CEP112: variants seen among roughly 807,000 people sequenced by gnomAD.
CEP112 encodes the protein centrosomal protein of 112 kDa.
A neutral mutation model predicts 153.0 loss-of-function variants in CEP112; 127 were observed. That is an observed-to-expected ratio of 0.83 (90% confidence interval 0.72 to 0.96). The LOEUF is 0.96. CEP112 is among the 40% of genes least tolerant of loss of function. CEP112 has a pLI of 0.00. For synonymous variants in CEP112, 358 were observed against 374.4 expected (o/e 0.96, Z 0.51); for missense variants, 1,089 against 1,101.2 (o/e 0.99, Z 0.16).
intron 24 of CEP112, among the ~76,000 whole-genome samples, chr17:65,680,765 G>A (rs993483224): frequency 6.6e-6 from 1 of 152,186 alleles, no homozygotes; most frequent in Non-Finnish European, 1.5e-5. Flanking sequence ...TCACAGTTCT[G>A]CATGGCTGGG....
At chr17:66,125,472 T>A (rs141194689) in intron 6 of CEP112, among the ~76,000 whole-genome samples, 1 of 152,150 alleles carries the variant, frequency 6.6e-6, no homozygotes, top group East Asian at 1.9e-4. Context: ...ACTATGATCA[T>A]GCCACTGCAC....
chr17:65,809,145 G>C (rs891389112), intron 21 of CEP112, among the ~76,000 whole-genome samples: 1 of 152,146 alleles, frequency 6.6e-6, no homozygotes, highest in Admixed American at 6.5e-5. Context: ...TAAGATCTGA[G>C]GGGGGAAATC....
At chr17:65,982,317 C>T (rs1219224406) in intron 17 of CEP112, among the ~76,000 whole-genome samples, 1 of 152,162 alleles carries the variant, frequency 6.6e-6, no homozygotes, top group East Asian at 1.9e-4. Flanking sequence ...GAAAAATGTG[C>T]TTTATGATAG....
Position 66,066,785 on chromosome 17 carries a change from T to A in CEP112, c.948A>T (p.Glu316Asp). The change falls in exon 10 of 27, where the codon GAA (glutamate) becomes GAT (aspartate). Residue 316 changes from glutamate (E) to aspartate (D), a missense_variant. Physicochemically the swap from Glu to Asp is conservative, Grantham distance 45. Coordinates refer to ENST00000535342, the MANE Select transcript of CEP112 (RefSeq NM_001199165.4). ...GTAACAACACAACATCACCTTTCTT[T>A]TCAAGCTTTCTAATAGTCTCTTCAG... Reference protein sequence around the residue: ...HETEETIRKLEKKVQTLIRDC... With the variant: ...HETEETIRKLDKKVQTLIRDC... 3.3e-6 allele frequency: 5 copies of A among 1,533,098 alleles called. No individual in the cohort carries two copies. The highest frequency in any genetic ancestry group is 4.4e-6 in the Non-Finnish European group (5 of 1,142,340). The allele number at this position is 1,533,098 out of a possible 1,614,324, so 95.0% of individuals were successfully genotyped here. A position where few individuals can be genotyped will look rare whatever the true frequency, so the allele number is the denominator to read the frequency against.
At chr17:66,025,153 T>TTAAA (rs1165022728) in intron 16 of CEP112, among the ~76,000 whole-genome samples, 1 of 152,064 alleles carries the variant, frequency 6.6e-6, no homozygotes, top group African/African-American at 2.4e-5. Flanking sequence ...GATCAAAGAA[T>TTAAA]TAAATGTAGG....
chr17:65,826,339 G>C (rs774809746), intron 21 of CEP112: 9 of 1,613,082 alleles, frequency 5.6e-6, no homozygotes, highest in Admixed American at 3.3e-5. Flanking sequence ...GCAGTGATGA[G>C]AGCCCTCAGT....
At chr17:65,658,475 C>T (rs2046173772) in intron 24 of CEP112, among the ~76,000 whole-genome samples, 1 of 152,092 alleles carries the variant, frequency 6.6e-6, no homozygotes, top group African/African-American at 2.4e-5. Flanking sequence ...CAGCCATGTG[C>T]CTAGAAGAAG....
chr17:65,804,845 G>T lies in CEP112; in HGVS notation c.2394+46959C>A, dbSNP rs537364283. ...TGAGGGCCACAGTCCATCTAGCAAAGGACAAACTCTGTACAATTAATTTTT... is the reference window on the plus strand; with the variant it reads ...TGAGGGCCACAGTCCATCTAGCAAATGACAAACTCTGTACAATTAATTTTT... On this transcript the variant is annotated intron_variant, in intron 21 of 26. Coordinates refer to ENST00000535342, the MANE Select transcript of CEP112 (RefSeq NM_001199165.4). Among the ~76,000 whole-genome samples, 111 of 151,954 alleles carry T rather than the reference G, an allele frequency of 7.3e-4. 1 individual carries two copies. The highest frequency in any genetic ancestry group is 2.4e-3 in the African/African-American group (100 of 41,442).
At chr17:65,821,118 A>G (rs1340141655) in intron 21 of CEP112, among the ~76,000 whole-genome samples, 1 of 151,896 alleles carries the variant, frequency 6.6e-6, no homozygotes, top group Non-Finnish European at 1.5e-5. Flanking sequence ...ATTCTGAAAA[A>G]AAAAAACAAA....
At chr17:65,717,885 C>T (rs143025972) in intron 23 of CEP112, among the ~76,000 whole-genome samples, 147 of 152,202 alleles carry the variant, frequency 9.7e-4, no homozygotes, top group African/African-American at 3.5e-3. Context: ...ACTGAACCGT[C>T]CACTGACAGT....
intron 6 of CEP112, among the ~76,000 whole-genome samples, chr17:66,128,015 A>G (rs2069932361): frequency 6.6e-6 from 1 of 152,046 alleles, no homozygotes; most frequent in Non-Finnish European, 1.5e-5. Flanking sequence ...TAAAGACCTA[A>G]AACGGCCAGG....
intron 19 of CEP112, among the ~76,000 whole-genome samples, chr17:65,909,064 G>C (rs2060187318): frequency 6.6e-6 from 1 of 152,150 alleles, no homozygotes; most frequent in Non-Finnish European, 1.5e-5. Context: ...AAATAGAAAA[G>C]GAGATGGAAA....
chr17:65,750,633 CCT>C, intron 22 of CEP112, 27 bp downstream of exon 22: 2 of 1,602,296 alleles, frequency 1.2e-6, no homozygotes, highest in East Asian at 2.2e-5. Flanking sequence ...TTGGTTTTAC[CCT>C]GTTTTGTGTC....
chr17:65,913,889 C>T, intron 19 of CEP112: 1 of 985,056 alleles, frequency 1.0e-6, no homozygotes, highest in Non-Finnish European at 1.2e-6. Flanking sequence ...CTTCAAAACA[C>T]TTCTCCAGCA....
chr17:66,078,406 C>T (rs138727903), intron 8 of CEP112, among the ~76,000 whole-genome samples: 5 of 151,686 alleles, frequency 3.3e-5, no homozygotes, highest in South Asian at 2.1e-4. Context: ...TACAGACATG[C>T]GCCACCACGC....
rs562177084 is a variant in CEP112, at chr17:65,764,603, T to C, written c.2395-13879A>G. On this transcript the variant is annotated intron_variant, in intron 21 of 26. Coordinates refer to ENST00000535342, the MANE Select transcript of CEP112 (RefSeq NM_001199165.4). ...GCCACTTCTGTTCTCTTTTTTTTTT[T>C]ACCATTTGTGTGCAATAGCTTCTTC... Among the ~76,000 whole-genome samples, 149 of 152,176 alleles carry C rather than the reference T, an allele frequency of 9.8e-4. 2 individuals are homozygous for C. In the South Asian group the frequency reaches 0.029, roughly 30 times the overall value.
intron 19 of CEP112, among the ~76,000 whole-genome samples, chr17:65,919,889 C>T (rs1015752203): frequency 2.6e-5 from 4 of 152,058 alleles, no homozygotes; most frequent in Admixed American, 2.6e-4. Context: ...CCTGGAACTC[C>T]GCGGGAGTGC....
chr17:66,101,955 G>A (rs1295038382), intron 6 of CEP112, among the ~76,000 whole-genome samples: 1 of 152,080 alleles, frequency 6.6e-6, no homozygotes, highest in Non-Finnish European at 1.5e-5. Context: ...AGAAAGAAGA[G>A]ATGGCTATTT....
At chr17:66,040,494 C>CTTTTTTTCTT (rs1555779530) in intron 12 of CEP112, among the ~76,000 whole-genome samples, 1 of 133,486 alleles carries the variant, frequency 7.5e-6, no homozygotes, top group African/African-American at 2.8e-5. Flanking sequence ...CCCTTTTTTT[C>CTTTTTTTCTT]TTTTTTTTTT....
Sources: allele counts gnomAD v4.1 joint callset (sites outside exome capture counted in the v4.1 genomes callset), GRCh38; gene constraint gnomAD v4.1.1; transcripts MANE v1.5; gene names NCBI Gene and HGNC (gene_info 2026-07-23, HGNC 2026-07-21).